The following PDZRN3 variants were observed in gnomAD, a reference collection of about 807,000 sequenced individuals.
The protein encoded by PDZRN3 is E3 ubiquitin-protein ligase PDZRN3.
PDZRN3 carries 38 observed loss-of-function variants against 85.7 expected under a neutral mutation model. The observed-to-expected ratio is 0.44, with a 90% CI of 0.34 to 0.58. The LOEUF is 0.58. Ranked by LOEUF, PDZRN3 falls within the 20% of genes least tolerant of loss-of-function variation. The probability of loss-of-function intolerance (pLI) is 0.01; values close to 1 mark genes in which losing one functional copy is unlikely to be tolerated. For synonymous variants in PDZRN3, 759 were observed against 638.0 expected, an observed-to-expected ratio of 1.19 and a Z score of -2.86; for missense variants, 1,629 against 1,506.4, an observed-to-expected ratio of 1.08 and a Z score of -1.35.
chr3:73,511,054 T>C (rs1274019899), intron 3 of PDZRN3, among the ~76,000 whole-genome samples: 1 of 152,116 alleles, frequency 6.6e-6, no homozygotes, highest in East Asian at 1.9e-4. Context: ...GCTTTTAACA[T>C]ATACAAAGGG....
At position 73,383,042 on chromosome 3, in the gene PDZRN3, A is replaced by G; in HGVS notation, c.*323T>C. 4.3e-6 allele frequency: 1 copy of G among 232,142 alleles called. No individual in the cohort carries two copies. 14.4% of individuals were successfully genotyped at this position (232,142 alleles called of 1,614,324 possible). On this transcript the variant is annotated 3_prime_UTR_variant, in exon 10 of 10. Coordinates refer to ENST00000263666, the MANE Select transcript of PDZRN3 (RefSeq NM_015009.3). ...TTTTTATATGAATATAGTTTAAACA[A>G]GTTATTCTGTGAAAGTATGCTTAAT... is the stretch of plus-strand genomic sequence containing the variant.
chr3:73,556,243 C>T (rs991700012), intron 3 of PDZRN3, among the ~76,000 whole-genome samples: 1 of 151,498 alleles, frequency 6.6e-6, no homozygotes, highest in African/African-American at 2.4e-5. Flanking sequence ...ATATTTAAAT[C>T]GAAAGTTAAG....
intron 3 of PDZRN3, among the ~76,000 whole-genome samples, chr3:73,463,779 T>C (rs532829898): frequency 1.3e-5 from 2 of 152,290 alleles, no homozygotes; most frequent in South Asian, 4.1e-4. Context: ...TAAATGCCTA[T>C]CAGTGATAGA....
intron 3 of PDZRN3, among the ~76,000 whole-genome samples, chr3:73,595,660 G>A (rs1197524190): frequency 6.6e-6 from 1 of 152,048 alleles, no homozygotes; most frequent in Non-Finnish European, 1.5e-5. Context: ...TTAATTCACT[G>A]ATAACATCTA....
At chr3:73,469,528 G>A (rs1412606917) in intron 3 of PDZRN3, among the ~76,000 whole-genome samples, 7 of 152,282 alleles carry the variant, frequency 4.6e-5, no homozygotes, top group South Asian at 2.1e-4. Flanking sequence ...CCAACACTCC[G>A]TGCTTACTCA....
intron 3 of PDZRN3, among the ~76,000 whole-genome samples, chr3:73,526,367 A>G (rs1290122056): frequency 1.3e-5 from 2 of 152,216 alleles, no homozygotes; most frequent in African/African-American, 4.8e-5. Context: ...CCCATCAAGT[A>G]TCCCCATACC....
At chr3:73,484,359 TG>T (rs1703624651) in intron 3 of PDZRN3, among the ~76,000 whole-genome samples, 1 of 152,038 alleles carries the variant, frequency 6.6e-6, no homozygotes, top group South Asian at 2.1e-4. Flanking sequence ...GCCAAAGTCA[TG>T]AGATTACCCA....
intron 3 of PDZRN3, among the ~76,000 whole-genome samples, chr3:73,582,577 A>G (rs1380133293): frequency 6.6e-6 from 1 of 152,142 alleles, no homozygotes; most frequent in African/African-American, 2.4e-5. Flanking sequence ...TTTTGTATAT[A>G]CTTGTTCACT....
intron 3 of PDZRN3, among the ~76,000 whole-genome samples, chr3:73,445,548 C>G (rs965817436): frequency 5.9e-5 from 9 of 152,208 alleles, no homozygotes; most frequent in African/African-American, 2.2e-4. Context: ...ACTTACCAAG[C>G]CTCTATCCTA....
At chr3:73,550,433 G>T (rs1355913938) in intron 3 of PDZRN3, among the ~76,000 whole-genome samples, 1 of 152,164 alleles carries the variant, frequency 6.6e-6, no homozygotes, top group Non-Finnish European at 1.5e-5. Flanking sequence ...ATCAATACCT[G>T]GTCTTACCCT....
intron 3 of PDZRN3, among the ~76,000 whole-genome samples, chr3:73,534,746 T>C (rs980920752): frequency 1.3e-5 from 2 of 152,232 alleles, no homozygotes; most frequent in African/African-American, 4.8e-5. Flanking sequence ...GTAGATAATA[T>C]CTTTTGACAC....
intron 3 of PDZRN3, among the ~76,000 whole-genome samples, chr3:73,476,189 G>T (rs960910921): frequency 6.6e-6 from 1 of 152,160 alleles, no homozygotes; most frequent in African/African-American, 2.4e-5. Flanking sequence ...AATTTATAAA[G>T]AAAAGAGGTT....
chr3:73,616,762 C>G (rs374229289), intron 1 of PDZRN3, among the ~76,000 whole-genome samples: 1 of 152,160 alleles, frequency 6.6e-6, no homozygotes, highest in Non-Finnish European at 1.5e-5. Context: ...ACTTACTGTG[C>G]CCTTATGTAC....
intron 3 of PDZRN3, among the ~76,000 whole-genome samples, chr3:73,444,384 G>A (rs1702709001): frequency 6.6e-6 from 1 of 152,136 alleles, no homozygotes; most frequent in Non-Finnish European, 1.5e-5. Context: ...CATTTAAGCA[G>A]GTGAATGTTA....
rs536290665 is a variant in PDZRN3 at position 73,395,130 on chromosome 3, G to A, written c.1255-4014C>T. Among the ~76,000 whole-genome samples the A allele has an allele frequency of 6.6e-5, 10 of 152,160 alleles. No individual in the cohort carries two copies. The South Asian group carries it at 1.9e-3, about 28-fold the overall frequency. On this transcript the variant is annotated intron_variant, in intron 5 of 9. Coordinates refer to ENST00000263666, the MANE Select transcript of PDZRN3 (RefSeq NM_015009.3). ...TGCCTTGAGCAAGTCATTGAACTTC[G>A]ACAAACTTAGCCATTCTGTGGTTTT...
At chr3:73,446,516 T>C (rs1045698101) in intron 3 of PDZRN3, among the ~76,000 whole-genome samples, 3 of 152,182 alleles carry the variant, frequency 2.0e-5, no homozygotes, top group African/African-American at 7.2e-5. Context: ...AGTACCTTAA[T>C]TGGAAAACAA....
At chr3:73,596,042 T>G (rs1463034392) in intron 3 of PDZRN3, among the ~76,000 whole-genome samples, 2 of 151,940 alleles carry the variant, frequency 1.3e-5, no homozygotes, top group African/African-American at 2.4e-5. Flanking sequence ...ATGTCAGAAG[T>G]GGAGCAAGGA....
At position 73,583,257 on chromosome 3, in the gene PDZRN3, A is replaced by T. The variant is rs191310245; in HGVS notation, c.918+19097T>A. Among the ~76,000 whole-genome samples, 70 of 152,348 alleles carry T rather than the reference A, an allele frequency of 4.6e-4. 1 individual carries two copies. Among genetic ancestry groups the T allele is most frequent in the African/African-American group, 1.6e-3 (68 of 41,588 alleles). On this transcript the variant is annotated intron_variant, in intron 3 of 9. Coordinates refer to ENST00000263666, the MANE Select transcript of PDZRN3 (RefSeq NM_015009.3). The stretch of plus-strand genomic sequence containing the variant: ...CCCAAGGCTACGTAGCAAAAATATC[A>T]GAGCTGGGATTCAAACCCACACAGC...
chr3:73,410,409 C>T (rs1371245497), intron 3 of PDZRN3, among the ~76,000 whole-genome samples: 1 of 152,140 alleles, frequency 6.6e-6, no homozygotes, highest in East Asian at 1.9e-4. Flanking sequence ...ATGGCACTGC[C>T]ACAGCTGTCA....
Sources: allele counts gnomAD v4.1 joint callset (sites outside exome capture counted in the v4.1 genomes callset), GRCh38; gene constraint gnomAD v4.1.1; transcripts MANE v1.5; gene names NCBI Gene and HGNC (gene_info 2026-07-23, HGNC 2026-07-21).